Variants in PLCG2 observed in about 807,000 individuals in gnomAD.
PLCG2 encodes phospholipase C gamma 2.
A neutral mutation model predicts 175.6 loss-of-function variants in PLCG2; 69 were observed. The observed-to-expected ratio is 0.39, with a 90% confidence interval of 0.32 to 0.48. The LOEUF (loss-of-function observed/expected upper bound fraction) is 0.48, where lower values mean the gene tolerates loss of function less well. Among genes scored for constraint, PLCG2 ranks in the 20% least tolerant of loss-of-function variants. PLCG2 has a pLI of 0.91. For synonymous variants in PLCG2, 827 were observed against 624.0 expected (o/e 1.33, Z -4.85); for missense variants, 1,798 against 1,650.9 (o/e 1.09, Z -1.54).
chr16:81,842,019 T>A (rs751655449), intron 2 of PLCG2, among the ~76,000 whole-genome samples: 2 of 152,240 alleles, frequency 1.3e-5, no homozygotes, highest in Admixed American at 6.5e-5. Context: ...CACGTGATTT[T>A]TATTTCATGT....
intron 9 of PLCG2, among the ~76,000 whole-genome samples, chr16:81,885,861 A>T (rs4133125): frequency 5.9e-5 from 9 of 152,192 alleles, no homozygotes; most frequent in Admixed American, 4.6e-4. Context: ...TGTTGTAATC[A>T]TCATGCCTTC....
At chr16:81,845,080 C>A (rs899289579) in intron 2 of PLCG2, among the ~76,000 whole-genome samples, 1 of 152,162 alleles carries the variant, frequency 6.6e-6, no homozygotes, top group Admixed American at 6.5e-5. Flanking sequence ...CAGTGTGCAC[C>A]AGCACACTTG....
intron 2 of PLCG2, among the ~76,000 whole-genome samples, chr16:81,803,042 A>C (rs1309323656): frequency 6.6e-6 from 1 of 151,910 alleles, no homozygotes; most frequent in Admixed American, 6.6e-5. Context: ...GGCAATGACA[A>C]ATCTACTTTT....
upstream of PLCG2, among the ~76,000 whole-genome samples, chr16:81,774,379 C>A (rs1433648918): frequency 6.6e-6 from 1 of 151,888 alleles, no homozygotes; most frequent in East Asian, 1.9e-4. Flanking sequence ...AAACCGGGGG[C>A]TCCACCAAGC....
intron 2 of PLCG2, among the ~76,000 whole-genome samples, chr16:81,838,523 G>T (rs917751925): frequency 6.6e-6 from 1 of 151,904 alleles, no homozygotes; most frequent in Admixed American, 6.6e-5. Flanking sequence ...AAAACCAAAC[G>T]CCGCATGTTC....
chr16:81,937,458 A>G (rs1042831871), intron 27 of PLCG2: 2 of 243,538 alleles, frequency 8.2e-6, no homozygotes, highest in East Asian at 8.5e-5. Flanking sequence ...TTATATTCAC[A>G]TATTTGTCAT....
At chr16:81,809,154 T>C (rs1904297091) in intron 2 of PLCG2, among the ~76,000 whole-genome samples, 1 of 152,164 alleles carries the variant, frequency 6.6e-6, no homozygotes, top group Non-Finnish European at 1.5e-5. Flanking sequence ...GAACTGAAAC[T>C]GTTGCAGACA....
At chr16:81,925,276 T>C (rs1291141625) in intron 22 of PLCG2, among the ~76,000 whole-genome samples, 3 of 152,168 alleles carry the variant, frequency 2.0e-5, no homozygotes, top group Non-Finnish European at 2.9e-5. Context: ...TGAAACCGGC[T>C]TTTTTGCATA....
intron 13 of PLCG2, 75 bp from the exon 14 acceptor site, chr16:81,900,536 GC>G: frequency 4.3e-6 from 6 of 1,388,096 alleles, no homozygotes; most frequent in Non-Finnish European, 5.9e-6. Flanking sequence ...CCAGGGAGCT[GC>G]CCTGGCCCCT....
At chr16:81,820,337 C>G (rs1904738990) in intron 2 of PLCG2, among the ~76,000 whole-genome samples, 1 of 152,122 alleles carries the variant, frequency 6.6e-6, no homozygotes, top group Non-Finnish European at 1.5e-5. Context: ...CATGCACACT[C>G]CCTGCCCCAG....
intron 9 of PLCG2, among the ~76,000 whole-genome samples, 162 bp from the exon 10 acceptor site, chr16:81,889,010 G>A (rs1908504915): frequency 6.6e-6 from 1 of 152,026 alleles, no homozygotes; most frequent in African/African-American, 2.4e-5. Context: ...CCTGGCAGAG[G>A]GCCATGTGCA....
intron 7 of PLCG2, among the ~76,000 whole-genome samples, chr16:81,872,764 A>C (rs1317423007): frequency 2.0e-5 from 3 of 152,228 alleles, no homozygotes; most frequent in Admixed American, 6.5e-5. Context: ...AGTTAGCTGC[A>C]TGATCTTGGA....
At chr16:81,858,138 C>T (rs1345274757) in intron 3 of PLCG2, 125 bp from the exon 4 acceptor site, 4 of 732,670 alleles carry the variant, frequency 5.5e-6, no homozygotes, top group Non-Finnish European at 9.8e-6. Flanking sequence ...CTTTCTTTGC[C>T]TTCTGCAAAA....
At chr16:81,766,370 T>C (rs1390558084) in intron 2 of PLCG2, among the ~76,000 whole-genome samples, 3 of 152,192 alleles carry the variant, frequency 2.0e-5, no homozygotes, top group Non-Finnish European at 2.9e-5. Flanking sequence ...CCTCAAGCTC[T>C]GCACCATTTT....
At chr16:81,864,587 C>T (rs771095788) in intron 5 of PLCG2, among the ~76,000 whole-genome samples, 5 of 152,156 alleles carry the variant, frequency 3.3e-5, no homozygotes, top group Non-Finnish European at 7.4e-5. Flanking sequence ...AATAATAGTT[C>T]CCGCCTCCCA....
In PLCG2 at chr16:81,960,990, T is replaced by G. The variant is rs371614542; in HGVS notation, c.*2992T>G. 2.2e-4 allele frequency: 51 copies of G among 230,056 alleles called. 2 individuals are homozygous for G. In the South Asian group the frequency reaches 8.5e-3, roughly 38 times the overall value. 14.3% of individuals were successfully genotyped at this position (230,056 alleles called of 1,614,324 possible). A position where few individuals can be genotyped will look rare whatever the true frequency, so the allele number is the denominator to read the frequency against. Reference sequence around the variant, plus strand: ...CCACCTCTAGTCTTACTGTAGAGCATGTCCCAAGGTGTAAAAATTCAAAAT... The same window carrying G: ...CCACCTCTAGTCTTACTGTAGAGCAGGTCCCAAGGTGTAAAAATTCAAAAT... On this transcript the variant is annotated 3_prime_UTR_variant, in exon 33 of 33. Coordinates refer to ENST00000564138, the MANE Select transcript of PLCG2 (RefSeq NM_002661.5).
intron 2 of PLCG2, among the ~76,000 whole-genome samples, chr16:81,802,076 C>T (rs1177770708): frequency 2.3e-5 from 3 of 129,712 alleles, no homozygotes; most frequent in Non-Finnish European, 3.2e-5. Context: ...AAGTTAGCTC[C>T]TTCAGGTGAG....
chr16:81,771,964 G>A (rs543349956), intron 2 of PLCG2, among the ~76,000 whole-genome samples: 1 of 151,998 alleles, frequency 6.6e-6, no homozygotes, highest in African/African-American at 2.4e-5. Flanking sequence ...TGTATTTTTA[G>A]TAGAGACGGG....
At chr16:81,927,868 T>C (rs1393667097) in intron 23 of PLCG2, among the ~76,000 whole-genome samples, 1 of 152,074 alleles carries the variant, frequency 6.6e-6, no homozygotes, top group Non-Finnish European at 1.5e-5. Flanking sequence ...GGTGTGGCAG[T>C]GGGAATGTGG....
Sources: gnomAD v4.1 joint callset for allele counts (sites outside exome capture counted in the v4.1 genomes callset) on GRCh38, gnomAD v4.1.1 for gene constraint, MANE v1.5 for transcripts, NCBI Gene and HGNC (gene_info 2026-07-23, HGNC 2026-07-21) for gene names.